The following ADAMTS6 variants were observed in gnomAD, a reference collection of about 807,000 sequenced individuals.
The protein encoded by ADAMTS6 is ADAM metallopeptidase with thrombospondin type 1 motif 6, also known as A disintegrin and metalloproteinase with thrombospondin motifs 6.
ADAMTS6 carries 23 observed loss-of-function variants against 144.3 expected under a neutral mutation model. That is an observed-to-expected ratio of 0.16 (90% confidence interval 0.11 to 0.23). The LOEUF is 0.23. ADAMTS6 is among the 10% of genes least tolerant of loss of function. The pLI is 1.00. For missense variants in ADAMTS6, 999 were observed against 1,379.6 expected (o/e 0.72, Z 4.37); for synonymous variants, 444 against 457.5 (o/e 0.97, Z 0.38).
chr5:65,291,332 A>G lies in ADAMTS6; in HGVS notation c.1509T>C (p.Tyr503=), dbSNP rs147900881. 3.6e-5 allele frequency: 58 copies of G among 1,613,246 alleles called. No homozygotes were observed. The African/African-American group carries it at 6.5e-4, about 18-fold the overall frequency. Residue 503 remains tyrosine, a synonymous_variant, in exon 11 of 25, where the codon TAT becomes TAC. Transcript: ENST00000381055. Reference sequence around the variant, plus strand: ...CATAAGGATGAAGACTTCTTACCCCATATTTACATTGGCGGGAGGTTGCTC... The same window carrying G: ...CATAAGGATGAAGACTTCTTACCCCGTATTTACATTGGCGGGAGGTTGCTC... ...QYGATSRQCK[Y]GEVCRELWCL...
At chr5:65,369,869 C>G (rs185383312) in intron 7 of ADAMTS6, among the ~76,000 whole-genome samples, 29 of 152,212 alleles carry the variant, frequency 1.9e-4, no homozygotes, top group African/African-American at 7.0e-4. Context: ...TAAAAATCAT[C>G]TGAAGCAACA....
intron 24 of ADAMTS6, 114 bp from the exon 25 acceptor site, chr5:65,152,059 G>A: frequency 1.3e-6 from 1 of 779,960 alleles, no homozygotes; most frequent in Admixed American, 2.2e-5. Flanking sequence ...ATCCACCTTG[G>A]CTTCGACCTC....
chr5:65,416,909 G>C (rs1755582361), intron 7 of ADAMTS6, among the ~76,000 whole-genome samples: 1 of 151,770 alleles, frequency 6.6e-6, no homozygotes, highest in African/African-American at 2.4e-5. Context: ...ACCAAAACCT[G>C]GTAAAGAAAC....
rs910695493 is a variant in ADAMTS6 at position 65,340,084 on chromosome 5, T to C, written c.1074-5999A>G. Among the ~76,000 whole-genome samples the C allele has an allele frequency of 3.5e-4, 53 of 152,082 alleles. 3 individuals are homozygous for C. The highest frequency in any genetic ancestry group is 1.2e-4 in the African/African-American group (5 of 41,436). Reference sequence around the variant, plus strand: ...CCTCTCCAAGGCACACATAGTCAAATTGTCAAAAGTCAAAGCAAAGAATTT... The same window carrying C: ...CCTCTCCAAGGCACACATAGTCAAACTGTCAAAAGTCAAAGCAAAGAATTT... On this transcript the variant is annotated intron_variant, in intron 7 of 24. Coordinates refer to ENST00000381055, the MANE Select transcript of ADAMTS6 (RefSeq NM_197941.4).
chr5:65,246,617 A>T (rs1351352237), intron 14 of ADAMTS6, among the ~76,000 whole-genome samples: 1 of 152,200 alleles, frequency 6.6e-6, no homozygotes, highest in Non-Finnish European at 1.5e-5. Context: ...TGAAGGAATG[A>T]TTTATGTACA....
intron 7 of ADAMTS6, among the ~76,000 whole-genome samples, chr5:65,398,598 T>C (rs1240604423): frequency 6.6e-6 from 1 of 151,848 alleles, no homozygotes; most frequent in Non-Finnish European, 1.5e-5. Flanking sequence ...TGGCAGCACG[T>C]GCCTGTAATC....
At chr5:65,245,769 A>G (rs1379029065) in intron 14 of ADAMTS6, among the ~76,000 whole-genome samples, 1 of 152,030 alleles carries the variant, frequency 6.6e-6, no homozygotes. Flanking sequence ...CTCTGTTGCA[A>G]CTACTCAACT....
chr5:65,203,397 G>T (rs1346971701), intron 20 of ADAMTS6, among the ~76,000 whole-genome samples: 1 of 152,040 alleles, frequency 6.6e-6, no homozygotes, highest in Non-Finnish European at 1.5e-5. Flanking sequence ...CTAGAAAAAA[G>T]AAAGGATTAG....
intron 7 of ADAMTS6, among the ~76,000 whole-genome samples, chr5:65,440,992 C>G (rs1316494655): frequency 6.6e-6 from 1 of 152,140 alleles, no homozygotes; most frequent in African/African-American, 2.4e-5. Flanking sequence ...AATCAAAGAT[C>G]ACGAAGTATG....
intron 20 of ADAMTS6, among the ~76,000 whole-genome samples, chr5:65,206,736 T>A: frequency 2.9e-5 from 4 of 135,820 alleles, no homozygotes; most frequent in Admixed American, 7.3e-5. Flanking sequence ...AGGTAAAGAC[T>A]CAAAAAGTAA....
At chr5:65,282,779 A>G (rs1763084657) in intron 11 of ADAMTS6, among the ~76,000 whole-genome samples, 1 of 152,036 alleles carries the variant, frequency 6.6e-6, no homozygotes, top group Non-Finnish European at 1.5e-5. Flanking sequence ...AGAGGACGGT[A>G]TAATGAGGTA....
At chr5:65,440,008 A>G (rs1024334181) in intron 7 of ADAMTS6, among the ~76,000 whole-genome samples, 16 of 152,014 alleles carry the variant, frequency 1.1e-4, no homozygotes, top group African/African-American at 3.9e-4. Flanking sequence ...GGGTTTTGCC[A>G]TGTTACCCAG....
Position 65,481,514 on chromosome 5 carries a change from C to G in ADAMTS6, c.-451G>C, listed in dbSNP as rs949071789. 1 of 151,042 alleles carries G rather than the reference C, an allele frequency of 6.6e-6. No individual in the cohort carries two copies. The highest frequency in any genetic ancestry group is 1.5e-5 in the Non-Finnish European group (1 of 67,898). The allele number at this position is 151,042 out of a possible 1,614,324, so 9.4% of individuals were successfully genotyped here. Reference sequence around the variant, plus strand: ...CAGTTATTCTGCAGCCAGAATAAAACCCTATGGTCTGGCTAACCCGGGCTT... The same window carrying G: ...CAGTTATTCTGCAGCCAGAATAAAAGCCTATGGTCTGGCTAACCCGGGCTT... On this transcript the variant is annotated 5_prime_UTR_variant, in exon 1 of 25. Transcript: ENST00000381055.
chr5:65,384,583 T>C (rs1249035051), intron 7 of ADAMTS6, among the ~76,000 whole-genome samples: 2 of 152,238 alleles, frequency 1.3e-5, no homozygotes, highest in Non-Finnish European at 2.9e-5. Flanking sequence ...TCCGTATTTG[T>C]ACCAATATTC....
intron 20 of ADAMTS6, chr5:65,210,068 G>A: frequency 4.5e-6 from 1 of 221,490 alleles, no homozygotes; most frequent in South Asian, 7.4e-5. Flanking sequence ...AAAATATGGT[G>A]TGAAGATTGG....
rs181670348 is a variant in ADAMTS6 at position 65,172,363 on chromosome 5, G to A, written c.3087+469C>T. 5.3e-3 allele frequency among the ~76,000 whole-genome samples: 798 copies of A among 150,806 alleles called. 3 individuals carry two copies. The highest frequency in any genetic ancestry group is 7.1e-3 in the Non-Finnish European group (481 of 67,694). On this transcript the variant is annotated intron_variant, in intron 23 of 24. Transcript: ENST00000381055. ...CAGGAGGCAGAGCTTGCAGTGAGCC[G>A]AGATCGCGCCACTGCACTCCAGCCT...
At chr5:65,425,642 T>C (rs1561530610) in intron 7 of ADAMTS6, among the ~76,000 whole-genome samples, 2 of 152,226 alleles carry the variant, frequency 1.3e-5, no homozygotes, top group African/African-American at 4.8e-5. Flanking sequence ...TTTCTGTCCT[T>C]GGTGCAATTT....
At chr5:65,363,143 G>C (rs982272414) in intron 7 of ADAMTS6, among the ~76,000 whole-genome samples, 1 of 152,066 alleles carries the variant, frequency 6.6e-6, no homozygotes, top group African/African-American at 2.4e-5. Context: ...ATAGTTCTCT[G>C]AGTACATACT....
intron 14 of ADAMTS6, among the ~76,000 whole-genome samples, chr5:65,242,536 C>T (rs1346573124): frequency 6.6e-6 from 1 of 152,056 alleles, no homozygotes; most frequent in Non-Finnish European, 1.5e-5. Flanking sequence ...GAAATTAAAA[C>T]ACAAAATCCT....
Sources: gnomAD v4.1 joint callset for allele counts (sites outside exome capture counted in the v4.1 genomes callset) on GRCh38, gnomAD v4.1.1 for gene constraint, MANE v1.5 for transcripts, NCBI Gene and HGNC (gene_info 2026-07-23, HGNC 2026-07-21) for gene names.